The following PDK1 variants were observed in gnomAD, a reference collection of about 807,000 sequenced individuals.
PDK1 encodes the protein [Pyruvate dehydrogenase (acetyl-transferring)] kinase isozyme 1, mitochondrial.
PDK1 carries 39 observed loss-of-function variants against 54.2 expected under a neutral mutation model. The observed-to-expected ratio is 0.72, with a 90% CI of 0.56 to 0.94. The LOEUF (loss-of-function observed/expected upper bound fraction) is 0.94. Ranked by LOEUF, PDK1 falls within the 40% of genes least tolerant of loss-of-function variation. The pLI, the probability that PDK1 is intolerant of heterozygous loss-of-function variation, is 0.00. For missense variants in PDK1, 552 were observed against 566.0 expected (o/e 0.98, Z 0.25); for synonymous variants, 221 against 207.1 (o/e 1.07, Z -0.58).
the PDK1 span, among the ~76,000 whole-genome samples, chr2:172,667,541 G>A: frequency 3.9e-5 from 6 of 152,212 alleles, no homozygotes; most frequent in Non-Finnish European, 8.8e-5. Flanking sequence ...ACCCTGGGAA[G>A]GACAAATCCT....
intron 9 of PDK1, 92 bp downstream of exon 9, chr2:172,586,480 G>C (rs1690237327): frequency 2.8e-6 from 2 of 704,602 alleles, no homozygotes; most frequent in Non-Finnish European, 5.1e-6. Context: ...GTCATGTAGG[G>C]TACTCCACAA....
the PDK1 span, among the ~76,000 whole-genome samples, chr2:172,643,192 C>T: frequency 1.3e-5 from 2 of 152,158 alleles, no homozygotes; most frequent in Non-Finnish European, 2.9e-5. Flanking sequence ...CATTAGCTCT[C>T]ACATTGGTGT....
At chr2:172,681,056 T>C in the PDK1 span, among the ~76,000 whole-genome samples, 1 of 152,254 alleles carries the variant, frequency 6.6e-6, no homozygotes, top group Non-Finnish European at 1.5e-5. Context: ...TTCTGAGCTG[T>C]TGTGTGCTGC....
the PDK1 span, among the ~76,000 whole-genome samples, chr2:172,701,505 G>A: frequency 1.1e-4 from 17 of 152,204 alleles, no homozygotes; most frequent in Non-Finnish European, 1.0e-4. Context: ...AACTGGTGAA[G>A]ATTTGTAAGC....
At chr2:172,667,482 G>T in the PDK1 span, among the ~76,000 whole-genome samples, 5 of 152,208 alleles carry the variant, frequency 3.3e-5, no homozygotes, top group East Asian at 9.6e-4. Context: ...TGAATTAGTT[G>T]GTTTGCATAT....
chr2:172,700,378 A>G, the PDK1 span, among the ~76,000 whole-genome samples: 6,432 of 118,374 alleles, frequency 0.054, 13 homozygotes, highest in African/African-American at 0.1. Flanking sequence ...GCGGCGGGGC[A>G]GAGACACTCC....
chr2:172,615,016 A>T, the PDK1 span, among the ~76,000 whole-genome samples: 5 of 152,122 alleles, frequency 3.3e-5, no homozygotes, highest in African/African-American at 1.2e-4. Context: ...TTTTTCTTGG[A>T]CATAACTTTG....
At position 172,599,931 on chromosome 2, in the gene PDK1, A is replaced by T. The variant is rs1691056856; in HGVS notation, c.*3962A>T. 6.6e-6 allele frequency: 1 copy of T among 152,232 alleles called. No individual in the cohort carries two copies. Among genetic ancestry groups the T allele is most frequent in the South Asian group, 2.1e-4 (1 of 4,832 alleles). The allele number at this position is 152,232 out of a possible 1,614,324, so 9.4% of individuals were successfully genotyped here. Reference sequence around the variant, plus strand: ...TTAAATTAGCAATTATTTAGCAAAAATACAGAGTTTCACCCCAGTAAAATA... The same window carrying T: ...TTAAATTAGCAATTATTTAGCAAAATTACAGAGTTTCACCCCAGTAAAATA... On this transcript the variant is annotated 3_prime_UTR_variant, in exon 11 of 11. Transcript: ENST00000282077.
At chr2:172,611,129 A>G (rs557068794), downstream of PDK1, among the ~76,000 whole-genome samples, 1 of 152,304 alleles carries the variant, frequency 6.6e-6, no homozygotes, top group African/African-American at 2.4e-5. Context: ...AAGGGAAAAA[A>G]TCCTCAACAT....
the PDK1 span, among the ~76,000 whole-genome samples, chr2:172,717,750 T>C: frequency 6.6e-6 from 1 of 152,186 alleles, no homozygotes; most frequent in East Asian, 1.9e-4. Context: ...TGCCCTAAAT[T>C]GGTAGTTCTT....
At chr2:172,699,780 T>C in the PDK1 span, among the ~76,000 whole-genome samples, 1 of 151,934 alleles carries the variant, frequency 6.6e-6, no homozygotes, top group African/African-American at 2.4e-5. Flanking sequence ...TAGTATTTAT[T>C]ATCATCCTTG....
At chr2:172,562,183 T>G in intron 2 of PDK1, 37 bp from the exon 3 acceptor site, 2 of 1,148,626 alleles carry the variant, frequency 1.7e-6, no homozygotes, top group Non-Finnish European at 2.6e-6. Flanking sequence ...TTTCAGAATA[T>G]AAAAGAACAA....
the PDK1 span, among the ~76,000 whole-genome samples, chr2:172,689,747 G>GTAGATT: frequency 7.9e-4 from 109 of 137,112 alleles, no homozygotes; most frequent in East Asian, 6.3e-3. Context: ...CAAGAAATGG[G>GTAGATT]CAAAAGATTC....
chr2:172,556,549 G>A, intron 1 of PDK1: 1 of 438,744 alleles, frequency 2.3e-6, no homozygotes, highest in East Asian at 3.7e-5. Flanking sequence ...AACGGTGGGC[G>A]TGTGGCTTTG....
At chr2:172,647,166 AG>A in the PDK1 span, among the ~76,000 whole-genome samples, 1 of 152,182 alleles carries the variant, frequency 6.6e-6, no homozygotes, top group African/African-American at 2.4e-5. Flanking sequence ...AACATGGACG[AG>A]CTTCAGAATC....
chr2:172,648,611 G>A, the PDK1 span, among the ~76,000 whole-genome samples: 1 of 152,162 alleles, frequency 6.6e-6, no homozygotes, highest in African/African-American at 2.4e-5. Flanking sequence ...GATGGTACCT[G>A]GAAAATCAGG....
the PDK1 span, among the ~76,000 whole-genome samples, chr2:172,659,547 C>T: frequency 2.0e-5 from 3 of 152,040 alleles, no homozygotes; most frequent in Admixed American, 6.6e-5. Flanking sequence ...ACCCCACAAC[C>T]GAAAAAATCT....
At chr2:172,713,978 C>T in the PDK1 span, among the ~76,000 whole-genome samples, 1 of 152,232 alleles carries the variant, frequency 6.6e-6, no homozygotes, top group African/African-American at 2.4e-5. Flanking sequence ...GGAAAGTTAT[C>T]ATACCCATTT....
At chr2:172,619,453 T>C in the PDK1 span, among the ~76,000 whole-genome samples, 2 of 151,546 alleles carry the variant, frequency 1.3e-5, no homozygotes, top group African/African-American at 4.9e-5. Flanking sequence ...TTTTCCCCCA[T>C]TAAATTTTTG....
Sources: gnomAD v4.1 joint callset for allele counts (sites outside exome capture counted in the v4.1 genomes callset) on GRCh38, gnomAD v4.1.1 for gene constraint, MANE v1.5 for transcripts, NCBI Gene and HGNC (gene_info 2026-07-23, HGNC 2026-07-21) for gene names.